Variants in TNIP3 observed in about 807,000 individuals in gnomAD.
The protein encoded by TNIP3 is TNFAIP3 interacting protein 3.
In TNIP3, 34 loss-of-function variants were observed where a neutral mutation model predicts 54.1. That is an observed-to-expected ratio of 0.63 (90% confidence interval 0.48 to 0.84). The LOEUF (loss-of-function observed/expected upper bound fraction) is 0.84, where lower values mean the gene tolerates loss of function less well. Ranked by LOEUF, TNIP3 falls within the 40% of genes least tolerant of loss-of-function variation. The pLI is 0.00. For synonymous variants in TNIP3, 134 were observed against 136.8 expected, an observed-to-expected ratio of 0.98 and a Z score of 0.14; for missense variants, 366 against 387.6, an observed-to-expected ratio of 0.94 and a Z score of 0.47.
At chr4:121,181,205 A>C (rs1338617901) in intron 3 of TNIP3, among the ~76,000 whole-genome samples, 2 of 152,226 alleles carry the variant, frequency 1.3e-5, no homozygotes, top group African/African-American at 4.8e-5. Context: ...ATGAGCAAAT[A>C]GGTCTTAGAA....
chr4:121,137,812 A>G (rs1005033695), intron 10 of TNIP3: 5 of 390,902 alleles, frequency 1.3e-5, no homozygotes. Flanking sequence ...TTTTAGATAG[A>G]TTCAAATCTT....
chr4:121,199,697 C>G (rs982696508), intron 2 of TNIP3, among the ~76,000 whole-genome samples: 19 of 152,192 alleles, frequency 1.2e-4, no homozygotes, highest in Middle Eastern at 3.2e-3. Flanking sequence ...GAAGAGAAAG[C>G]TGATCATGTA....
chr4:121,208,441 G>C (rs1469359887), intron 2 of TNIP3, among the ~76,000 whole-genome samples: 1 of 152,118 alleles, frequency 6.6e-6, no homozygotes, highest in African/African-American at 2.4e-5. Context: ...CTCAGCACAA[G>C]AGGGCAGCTT....
At chr4:121,169,803 A>G (rs1730970345) in intron 3 of TNIP3, among the ~76,000 whole-genome samples, 1 of 152,228 alleles carries the variant, frequency 6.6e-6, no homozygotes, top group Non-Finnish European at 1.5e-5. Flanking sequence ...CAGATTCCAT[A>G]GCCTCTTAGA....
At chr4:121,199,522 C>A (rs140760594) in intron 2 of TNIP3, among the ~76,000 whole-genome samples, 3 of 152,154 alleles carry the variant, frequency 2.0e-5, no homozygotes, top group Admixed American at 2.0e-4. Flanking sequence ...GAGGAAGTGA[C>A]ACCTGGGAAC....
upstream of TNIP3, among the ~76,000 whole-genome samples, chr4:121,220,744 A>G (rs1023343928): frequency 6.6e-6 from 1 of 152,180 alleles, no homozygotes; most frequent in Non-Finnish European, 1.5e-5. Flanking sequence ...TTAGAGTCAG[A>G]AATAAGTGAA....
chr4:121,160,859 G>A (rs1424519589), intron 2 of TNIP3, among the ~76,000 whole-genome samples: 1 of 152,162 alleles, frequency 6.6e-6, no homozygotes, highest in Non-Finnish European at 1.5e-5. Context: ...GGTCTGTGTG[G>A]AGGAAACATC....
At chr4:121,187,608 A>G (rs1444296513) in intron 2 of TNIP3, among the ~76,000 whole-genome samples, 2 of 152,192 alleles carry the variant, frequency 1.3e-5, no homozygotes, top group Non-Finnish European at 2.9e-5. Context: ...TTTGACAGGC[A>G]TTTCTGCTCT....
intron 10 of TNIP3, among the ~76,000 whole-genome samples, chr4:121,136,136 A>G (rs1317833748): frequency 1.3e-5 from 2 of 152,232 alleles, no homozygotes; most frequent in African/African-American, 4.8e-5. Context: ...TGCACAGGTT[A>G]GTTCATAACA....
chr4:121,187,244 C>T (rs1393638326), intron 2 of TNIP3, among the ~76,000 whole-genome samples: 1 of 152,142 alleles, frequency 6.6e-6, no homozygotes, highest in Non-Finnish European at 1.5e-5. Flanking sequence ...AGAACAGATC[C>T]TATATAACCC....
At chr4:121,151,561 T>G (rs1163294362) in intron 5 of TNIP3, among the ~76,000 whole-genome samples, 17 of 152,122 alleles carry the variant, frequency 1.1e-4, no homozygotes, top group African/African-American at 3.9e-4. Flanking sequence ...TGAGGATTTG[T>G]GTTAAGCTCT....
chr4:121,196,092 C>T (rs879889258), intron 2 of TNIP3, among the ~76,000 whole-genome samples: 1 of 152,154 alleles, frequency 6.6e-6, no homozygotes, highest in East Asian at 1.9e-4. Context: ...GAAACTGTCT[C>T]CCTGTTCTTA....
chr4:121,146,968 G>A, intron 7 of TNIP3, 81 bp downstream of exon 7: 1 of 1,472,458 alleles, frequency 6.8e-7, no homozygotes, highest in Non-Finnish European at 9.1e-7. Context: ...TCAATTAACA[G>A]AAGTCCAAAC....
intron 3 of TNIP3, among the ~76,000 whole-genome samples, chr4:121,177,515 T>C (rs997911723): frequency 3.3e-5 from 5 of 152,232 alleles, no homozygotes; most frequent in Non-Finnish European, 7.3e-5. Context: ...GAACTTGACA[T>C]ATATCTCAGG....
In TNIP3 at chr4:121,182,101, AG is replaced by A. The variant is rs1724749573; in HGVS notation, c.189+574del. 2.6e-5 allele frequency among the ~76,000 whole-genome samples: 4 copies of A among 152,278 alleles called. No homozygotes were observed. The East Asian group carries it at 7.7e-4, about 29-fold the overall frequency. ...TTAATTGGGAGGATTACAGAGTTTA[AG>A]AGTTCATGTTGTCATAGGATGCATG... is the stretch of plus-strand genomic sequence containing the variant. On this transcript the variant is annotated intron_variant, in intron 3 of 12. Transcript: ENST00000507879.
At chr4:121,170,626 TATAA>T (rs1731016442) in intron 3 of TNIP3, among the ~76,000 whole-genome samples, 1 of 151,934 alleles carries the variant, frequency 6.6e-6, no homozygotes, top group Admixed American at 6.5e-5. Flanking sequence ...AAATAAATAA[TATAA>T]ATAATTAGAT....
intron 2 of TNIP3, among the ~76,000 whole-genome samples, chr4:121,200,154 C>G (rs1005352044): frequency 6.6e-6 from 1 of 152,096 alleles, no homozygotes; most frequent in Admixed American, 6.6e-5. Flanking sequence ...CACATGGGCA[C>G]AGACATGCTA....
At chr4:121,161,319 G>A (rs1730439852) in intron 1 of TNIP3, 103 bp from the exon 2 acceptor site, 7 of 965,332 alleles carry the variant, frequency 7.3e-6, no homozygotes, top group Non-Finnish European at 1.0e-5. Context: ...CTCTCCTGTT[G>A]CGATTTAAAA....
Position 121,136,884 on chromosome 4 carries a change from G to T in TNIP3, c.946+1740C>A, listed in dbSNP as rs1295201322. Among the ~76,000 whole-genome samples the T allele has an allele frequency of 2.0e-5, 3 of 146,616 alleles. No individual in the cohort carries two copies. In the Admixed American group the frequency reaches 2.1e-4, roughly 10 times the overall value. ...AAAAAAAAAAAAAAAAAAAAGCTTA[G>T]GTTGGTACATCATGGAGATTTTTTT... On this transcript the variant is annotated intron_variant, in intron 10 of 10. Transcript: ENST00000057513.
Sources: allele counts gnomAD v4.1 joint callset (sites outside exome capture counted in the v4.1 genomes callset), GRCh38; gene constraint gnomAD v4.1.1; transcripts MANE v1.5; gene names NCBI Gene and HGNC (gene_info 2026-07-23, HGNC 2026-07-21).